Variants in FSTL5 observed in about 807,000 individuals in gnomAD.
FSTL5 encodes follistatin-related protein 5.
FSTL5 carries 62 observed loss-of-function variants against 89.1 expected under a neutral mutation model. The observed-to-expected ratio is 0.70, with a 90% CI of 0.57 to 0.86. The LOEUF is 0.86. Among genes scored for constraint, FSTL5 ranks in the 40% least tolerant of loss-of-function variants. FSTL5 has a pLI of 0.00. For synonymous variants in FSTL5, 383 were observed against 346.2 expected (o/e 1.11, Z -1.18); for missense variants, 1,057 against 1,001.6 (o/e 1.06, Z -0.75).
At chr4:162,106,390 T>G (rs1012876843) in intron 2 of FSTL5, among the ~76,000 whole-genome samples, 4 of 152,144 alleles carry the variant, frequency 2.6e-5, no homozygotes, top group Non-Finnish European at 4.4e-5. Context: ...TTGATTATAA[T>G]CATCAGCAAA....
At chr4:161,458,108 A>G (rs941479297) in intron 14 of FSTL5, among the ~76,000 whole-genome samples, 10 of 152,316 alleles carry the variant, frequency 6.6e-5, no homozygotes, top group Admixed American at 6.5e-4. Flanking sequence ...ACCATGCGAC[A>G]GACATGAGGG....
At chr4:161,675,500 G>T (rs896766297) in intron 6 of FSTL5, among the ~76,000 whole-genome samples, 4 of 151,144 alleles carry the variant, frequency 2.6e-5, no homozygotes, top group African/African-American at 7.3e-5. Context: ...TGAGTTCAGA[G>T]AAATTATCTT....
intron 15 of FSTL5, among the ~76,000 whole-genome samples, chr4:161,405,477 C>G (rs186070471): frequency 2.0e-5 from 3 of 152,056 alleles, no homozygotes; most frequent in Admixed American, 2.0e-4. Flanking sequence ...AAGAAAGAAT[C>G]AGAAAATTTG....
chr4:161,575,034 G>C (rs998609695), intron 8 of FSTL5, among the ~76,000 whole-genome samples: 14 of 151,962 alleles, frequency 9.2e-5, no homozygotes, highest in African/African-American at 3.1e-4. Context: ...TTTAATAATC[G>C]CCATTCTGAC....
intron 6 of FSTL5, among the ~76,000 whole-genome samples, chr4:161,725,665 TAA>T (rs1196356496): frequency 6.6e-6 from 1 of 152,092 alleles, no homozygotes; most frequent in African/African-American, 2.4e-5. Flanking sequence ...CTAAAAAACA[TAA>T]AAGAGTCAAT....
intron 7 of FSTL5, among the ~76,000 whole-genome samples, chr4:161,629,206 T>G (rs2126653838): frequency 6.6e-6 from 1 of 152,324 alleles, no homozygotes. Flanking sequence ...TTGACTGACC[T>G]ACTACCACAT....
intron 4 of FSTL5, among the ~76,000 whole-genome samples, chr4:161,832,307 A>G (rs1459515943): frequency 2.0e-5 from 3 of 152,134 alleles, no homozygotes; most frequent in African/African-American, 4.8e-5. Context: ...CCTTCCAGAT[A>G]GCAAGAACTG....
chr4:161,748,477 A>G (rs1467298149), intron 6 of FSTL5, among the ~76,000 whole-genome samples: 1 of 152,148 alleles, frequency 6.6e-6, no homozygotes, highest in Non-Finnish European at 1.5e-5. Context: ...ACAATATTCT[A>G]GAGCTATTTG....
At chr4:161,462,237 C>A (rs1379331456) in intron 13 of FSTL5, among the ~76,000 whole-genome samples, 1 of 152,182 alleles carries the variant, frequency 6.6e-6, no homozygotes, top group Non-Finnish European at 1.5e-5. Context: ...ATGTGGGAAC[C>A]TCTCTGCATA....
chr4:162,109,778 T>C (rs1731364909), intron 2 of FSTL5, among the ~76,000 whole-genome samples: 1 of 152,058 alleles, frequency 6.6e-6, no homozygotes, highest in African/African-American at 2.4e-5. Context: ...TCTCTTATGT[T>C]CACAGCACCA....
Position 162,118,034 on chromosome 4 carries a change from G to A in FSTL5, c.-16-6622C>T, listed in dbSNP as rs1014288873. Among the ~76,000 whole-genome samples the A allele has an allele frequency of 9.2e-5, 14 of 152,240 alleles. 1 individual carries two copies. The Middle Eastern group carries it at 0.01, about 111-fold the overall frequency. On this transcript the variant is annotated intron_variant, in intron 1 of 15. Transcript: ENST00000306100. The stretch of plus-strand genomic sequence containing the variant: ...TGGATCAAAACTAGGCTTTCAATGG[G>A]AAGTTCTTTTGGGAAAAACCTCCCT...
chr4:161,676,717 T>C (rs1412393317), intron 6 of FSTL5, among the ~76,000 whole-genome samples: 1 of 151,336 alleles, frequency 6.6e-6, no homozygotes, highest in East Asian at 1.9e-4. Context: ...CTTACAATTA[T>C]TCGCTTCACT....
intron 5 of FSTL5, among the ~76,000 whole-genome samples, chr4:161,767,364 G>A (rs1256095456): frequency 6.6e-6 from 1 of 152,208 alleles, no homozygotes; most frequent in East Asian, 1.9e-4. Context: ...CCTTGGTCAA[G>A]TTTGTGACAT....
At chr4:161,837,951 G>A (rs1731096910) in intron 4 of FSTL5, among the ~76,000 whole-genome samples, 1 of 152,072 alleles carries the variant, frequency 6.6e-6, no homozygotes, top group African/African-American at 2.4e-5. Flanking sequence ...AGGAAATCAC[G>A]TAATGTTCAC....
At chr4:161,945,028 A>T (rs1734697473) in intron 3 of FSTL5, among the ~76,000 whole-genome samples, 1 of 152,128 alleles carries the variant, frequency 6.6e-6, no homozygotes, top group South Asian at 2.1e-4. Context: ...ACAGCAGAAG[A>T]TTCATACAGT....
intron 15 of FSTL5, among the ~76,000 whole-genome samples, chr4:161,401,942 C>T (rs1006952629): frequency 1.3e-5 from 2 of 152,086 alleles, no homozygotes; most frequent in African/African-American, 4.8e-5. Flanking sequence ...ATTTAACACT[C>T]AATTTTCTTA....
chr4:161,740,312 G>A (rs1297350461), intron 6 of FSTL5, among the ~76,000 whole-genome samples: 1 of 152,028 alleles, frequency 6.6e-6, no homozygotes, highest in Non-Finnish European at 1.5e-5. Flanking sequence ...GAGCCACCAG[G>A]CCCGGCCTGA....
rs1298013766 is a variant in FSTL5, at chr4:161,834,070, A to C, written c.410-57996T>G. 3.3e-5 allele frequency among the ~76,000 whole-genome samples: 5 copies of C among 152,240 alleles called. No homozygotes were observed. In the East Asian group the frequency reaches 7.7e-4, roughly 24 times the overall value. ...AATCCTCAATAAAATACTGGCAAAAAGAATCCAACAGCACATCAAAAAGCT... is the reference window on the plus strand; with the variant it reads ...AATCCTCAATAAAATACTGGCAAAACGAATCCAACAGCACATCAAAAAGCT... On this transcript the variant is annotated intron_variant, in intron 4 of 15. Transcript: ENST00000306100.
chr4:161,809,103 C>T (rs1730063346), intron 4 of FSTL5, among the ~76,000 whole-genome samples: 1 of 152,104 alleles, frequency 6.6e-6, no homozygotes, highest in African/African-American at 2.4e-5. Context: ...CCTGTAGTCC[C>T]AGCTACTCAG....
Sources: allele counts gnomAD v4.1 joint callset (sites outside exome capture counted in the v4.1 genomes callset), GRCh38; gene constraint gnomAD v4.1.1; transcripts MANE v1.5; gene names NCBI Gene and HGNC (gene_info 2026-07-23, HGNC 2026-07-21).